Variants in METAP1 observed in about 807,000 individuals in gnomAD.
The protein encoded by METAP1 is methionyl aminopeptidase 1.
A neutral mutation model predicts 53.8 loss-of-function variants in METAP1; 28 were observed. The ratio of observed to expected loss-of-function variants is 0.52; its 90% confidence interval spans 0.39 to 0.71. METAP1 has a LOEUF of 0.71. Among genes scored for constraint, METAP1 ranks in the 30% least tolerant of loss-of-function variants. The pLI, the probability that METAP1 is intolerant of heterozygous loss-of-function variation, is 0.00. For synonymous variants in METAP1, 181 were observed against 165.7 expected, an observed-to-expected ratio of 1.09 and a Z score of -0.71; for missense variants, 389 against 479.8, an observed-to-expected ratio of 0.81 and a Z score of 1.77.
At chr4:98,998,949 T>TA (rs1203863468) in intron 1 of METAP1, among the ~76,000 whole-genome samples, 4 of 152,124 alleles carry the variant, frequency 2.6e-5, no homozygotes, top group Non-Finnish European at 5.9e-5. Context: ...TAGATGGAAT[T>TA]ACAGGCATGC....
chr4:99,054,184 T>G (rs978095700), intron 9 of METAP1, among the ~76,000 whole-genome samples: 1 of 152,222 alleles, frequency 6.6e-6, no homozygotes, highest in Non-Finnish European at 1.5e-5. Flanking sequence ...AAGGCTGTTT[T>G]GGTCTGCATT....
At chr4:98,997,832 A>G (rs922232335) in intron 1 of METAP1, among the ~76,000 whole-genome samples, 6 of 152,258 alleles carry the variant, frequency 3.9e-5, no homozygotes, top group Middle Eastern at 3.4e-3. Context: ...GGCTGTCCCA[A>G]CTGTCTCTTT....
At chr4:99,017,939 A>G (rs2110298655) in intron 1 of METAP1, among the ~76,000 whole-genome samples, 1 of 152,366 alleles carries the variant, frequency 6.6e-6, no homozygotes, top group Middle Eastern at 3.4e-3. Context: ...TGTGCTAACA[A>G]AAAGATGAAA....
chr4:99,017,058 A>C (rs781370271), intron 1 of METAP1, among the ~76,000 whole-genome samples: 1 of 152,254 alleles, frequency 6.6e-6, no homozygotes, highest in Non-Finnish European at 1.5e-5. Flanking sequence ...TTTGTTTCAC[A>C]GCCATTGCTG....
At chr4:99,021,985 G>T (rs1162485628) in intron 1 of METAP1, among the ~76,000 whole-genome samples, 1 of 152,152 alleles carries the variant, frequency 6.6e-6, no homozygotes, top group Admixed American at 6.5e-5. Context: ...CTTTGTAGAA[G>T]AACTTCTTCA....
At chr4:99,045,993 A>T (rs965124050) in intron 8 of METAP1, among the ~76,000 whole-genome samples, 1 of 152,198 alleles carries the variant, frequency 6.6e-6, no homozygotes, top group Non-Finnish European at 1.5e-5. Flanking sequence ...GGTGCTTTCC[A>T]GATTTCTTAC....
chr4:99,031,098 G>T, intron 2 of METAP1, among the ~76,000 whole-genome samples: 1 of 125,498 alleles, frequency 8.0e-6, no homozygotes, highest in African/African-American at 2.8e-5. Flanking sequence ...TGACTCAAAG[G>T]TAGTTTTTTT....
intron 10 of METAP1, among the ~76,000 whole-genome samples, chr4:99,060,182 A>G (rs1294809916): frequency 6.6e-6 from 1 of 152,082 alleles, no homozygotes; most frequent in Non-Finnish European, 1.5e-5. Flanking sequence ...TTGTGCACCC[A>G]TTACCACCAT....
At chr4:99,019,377 G>C (rs1180049003) in intron 1 of METAP1, among the ~76,000 whole-genome samples, 6 of 152,184 alleles carry the variant, frequency 3.9e-5, no homozygotes, top group Non-Finnish European at 8.8e-5. Flanking sequence ...GTTGGCATGA[G>C]AGGAGGAATT....
At chr4:99,023,404 G>T in intron 1 of METAP1, 5 of 884,536 alleles carry the variant, frequency 5.7e-6, no homozygotes, top group Non-Finnish European at 6.8e-6. Context: ...TTAAGTATTT[G>T]TAAGTATTTA....
At position 99,028,911 on chromosome 4, in the gene METAP1, G is replaced by A. The variant is rs761995978; in HGVS notation, c.159G>A (p.Lys53=). Residue 53 remains lysine, a synonymous_variant, in exon 2 of 11, where the codon AAG becomes AAA. Coordinates refer to ENST00000296411, the MANE Select transcript of METAP1 (RefSeq NM_015143.3). ...GSWATHKLLH[K]KAKDEKAKRE... ...GGGCTACTCACAAGTTACTACATAA[G>A]AAAGCAAGTAAGTACAATCACAAAT... is the stretch of plus-strand genomic sequence containing the variant. 7 of 1,543,668 alleles carry A rather than the reference G, an allele frequency of 4.5e-6. No individual in the cohort carries two copies. In the South Asian group the frequency reaches 7.2e-5, roughly 16 times the overall value.
At chr4:99,031,376 A>G (rs543456531) in intron 2 of METAP1, 2 of 1,119,242 alleles carry the variant, frequency 1.8e-6, no homozygotes, top group Non-Finnish European at 2.3e-6. Flanking sequence ...TAAAGGTGGA[A>G]TAATTTGACA....
intron 9 of METAP1, among the ~76,000 whole-genome samples, chr4:99,052,462 A>G (rs1456759511): frequency 1.3e-5 from 2 of 152,218 alleles, no homozygotes; most frequent in Non-Finnish European, 2.9e-5. Flanking sequence ...GGAACTTACA[A>G]TCATGGCGGA....
In METAP1 at chr4:99,061,627, A is replaced by G. The variant is rs1256489335; in HGVS notation, c.*310A>G. 1.4e-5 allele frequency: 3 copies of G among 211,888 alleles called. No individual in the cohort carries two copies. Among genetic ancestry groups the G allele is most frequent in the African/African-American group, 6.9e-5 (3 of 43,772 alleles). The allele number at this position is 211,888 out of a possible 1,614,324, so 13.1% of individuals were successfully genotyped here. A position where few individuals can be genotyped will look rare whatever the true frequency, so the allele number is the denominator to read the frequency against. ...TATCACTGCCGCAAAACAGCCATCAAGAGCCATCTGCTTTCCAGGTGAACA... is the reference window on the plus strand; with the variant it reads ...TATCACTGCCGCAAAACAGCCATCAGGAGCCATCTGCTTTCCAGGTGAACA... On this transcript the variant is annotated 3_prime_UTR_variant, in exon 11 of 11. Transcript: ENST00000296411.
At chr4:99,058,395 T>C (rs534290531) in intron 10 of METAP1, among the ~76,000 whole-genome samples, 2 of 152,236 alleles carry the variant, frequency 1.3e-5, no homozygotes, top group African/African-American at 4.8e-5. Flanking sequence ...TGGCATCATA[T>C]AGCTATTGTG....
At chr4:98,995,905 G>C in intron 1 of METAP1, 38 bp downstream of exon 1, 1 of 1,475,472 alleles carries the variant, frequency 6.8e-7, no homozygotes, top group Non-Finnish European at 9.2e-7. Flanking sequence ...CCGCCGCTGC[G>C]GGACCCCTCC....
At chr4:99,006,431 G>C (rs1214748007) in intron 1 of METAP1, among the ~76,000 whole-genome samples, 1 of 152,098 alleles carries the variant, frequency 6.6e-6, no homozygotes, top group Admixed American at 6.6e-5. Context: ...ACATTTTGCT[G>C]TATTTGTTTT....
intron 1 of METAP1, chr4:99,023,839 T>C: frequency 2.2e-6 from 2 of 924,240 alleles, no homozygotes; most frequent in Non-Finnish European, 2.6e-6. Context: ...TAGACAGAGC[T>C]GATTATCAAG....
At chr4:99,046,245 C>G (rs1021927879) in intron 8 of METAP1, among the ~76,000 whole-genome samples, 4 of 151,920 alleles carry the variant, frequency 2.6e-5, no homozygotes, top group Admixed American at 2.6e-4. Context: ...GAAACCCTGT[C>G]TCTAATAAAA....
Sources: allele counts gnomAD v4.1 joint callset (sites outside exome capture counted in the v4.1 genomes callset), GRCh38; gene constraint gnomAD v4.1.1; transcripts MANE v1.5; gene names NCBI Gene and HGNC (gene_info 2026-07-23, HGNC 2026-07-21).